The following SIK2 variants were observed in gnomAD, a reference collection of about 807,000 sequenced individuals.
SIK2 encodes salt inducible kinase 2, also known as serine/threonine-protein kinase SIK2.
Under a neutral mutation model 103.2 loss-of-function variants are expected in SIK2, and 29 were observed. The ratio of observed to expected loss-of-function variants is 0.28; its 90% CI spans 0.21 to 0.38. The LOEUF is 0.38. SIK2 is among the 10% of genes least tolerant of loss of function. The pLI, the probability that SIK2 is intolerant of heterozygous loss-of-function variation, is 1.00. For synonymous variants in SIK2, 412 were observed against 446.1 expected (o/e 0.92, Z 0.96); for missense variants, 879 against 1,171.0 (o/e 0.75, Z 3.64).
intron 4 of SIK2, among the ~76,000 whole-genome samples, chr11:111,699,914 C>T (rs977870264): frequency 1.3e-5 from 2 of 152,234 alleles, no homozygotes; most frequent in African/African-American, 4.8e-5. Flanking sequence ...TCTCTTAAAG[C>T]TCACTGTGCA....
intron 3 of SIK2, among the ~76,000 whole-genome samples, chr11:111,629,154 C>G (rs745855832): frequency 6.6e-5 from 10 of 152,160 alleles, no homozygotes; most frequent in Non-Finnish European, 1.5e-4. Context: ...AGGTTTTAAG[C>G]AAGAGGCATT....
At chr11:111,642,846 G>A (rs1214069255) in intron 3 of SIK2, among the ~76,000 whole-genome samples, 1 of 152,166 alleles carries the variant, frequency 6.6e-6, no homozygotes, top group Non-Finnish European at 1.5e-5. Flanking sequence ...AGTAACAAAA[G>A]ATATTCCTGT....
chr11:111,632,694 T>C (rs1942055129), intron 3 of SIK2, among the ~76,000 whole-genome samples: 1 of 152,164 alleles, frequency 6.6e-6, no homozygotes, highest in South Asian at 2.1e-4. Flanking sequence ...TATGCCGCCT[T>C]AGAGTTCTTT....
At chr11:111,704,908 C>T in intron 7 of SIK2, 79 bp from the exon 8 acceptor site, 4 of 1,417,804 alleles carry the variant, frequency 2.8e-6, no homozygotes, top group Admixed American at 2.8e-5. Flanking sequence ...AATTTCTTTC[C>T]TCTTTTTTTT....
chr11:111,638,492 T>C (rs1942139817), intron 3 of SIK2, among the ~76,000 whole-genome samples: 1 of 152,214 alleles, frequency 6.6e-6, no homozygotes, highest in Non-Finnish European at 1.5e-5. Context: ...CATTCTACTA[T>C]GTAAATTATA....
chr11:111,636,614 G>T (rs1942111970), intron 3 of SIK2, among the ~76,000 whole-genome samples: 1 of 152,138 alleles, frequency 6.6e-6, no homozygotes, highest in African/African-American at 2.4e-5. Context: ...GTAAAGATGT[G>T]TTCTTTTATC....
In SIK2 at chr11:111,712,212, C is replaced by T. The variant is rs760119648; in HGVS notation, c.1103C>T (p.Ala368Val). 2.5e-6 allele frequency: 4 copies of T among 1,614,052 alleles called. No homozygotes were observed. The South Asian group carries it at 4.4e-5, about 18-fold the overall frequency. ...STIAEQTVAK[A>V]QTVGLPVTMH... is the part of the protein sequence containing the mutation. ...TGTCTGTTCTTGCCATATTTACAGG[C>T]ACAGACTGTGGGGCTCCCAGTGACC... The change falls in exon 9 of 15, where the codon GCA (alanine) becomes GTA (valine). Residue 368 changes from alanine (A) to valine (V), a missense_variant and splice_region_variant. Physicochemically the swap from Ala to Val is moderately conservative, Grantham distance 64. Transcript: ENST00000304987.
intron 3 of SIK2, among the ~76,000 whole-genome samples, chr11:111,680,417 T>TA (rs1331521052): frequency 6.6e-6 from 1 of 152,096 alleles, no homozygotes; most frequent in African/African-American, 2.4e-5. Flanking sequence ...AGTTTTTTTT[T>TA]AAAAAAGATT....
intron 1 of SIK2, 66 bp from the exon 2 acceptor site, chr11:111,616,177 G>A: frequency 9.4e-7 from 1 of 1,058,762 alleles, no homozygotes; most frequent in East Asian, 2.5e-5. Context: ...TTTATTGACA[G>A]GATTCTTAAC....
chr11:111,660,575 A>C (rs1411671561), intron 3 of SIK2, among the ~76,000 whole-genome samples: 1 of 152,220 alleles, frequency 6.6e-6, no homozygotes, highest in Non-Finnish European at 1.5e-5. Flanking sequence ...CCTCTTTGAG[A>C]TCAGTCTTCT....
intron 1 of SIK2, among the ~76,000 whole-genome samples, chr11:111,615,159 GT>G (rs758402133): frequency 1.8e-4 from 26 of 147,488 alleles, no homozygotes; most frequent in Non-Finnish European, 3.5e-4. Flanking sequence ...ATAAATAAAA[GT>G]TTTCCTGAGG....
At chr11:111,637,202 T>G (rs1942119169) in intron 3 of SIK2, among the ~76,000 whole-genome samples, 1 of 152,082 alleles carries the variant, frequency 6.6e-6, no homozygotes, top group South Asian at 2.1e-4. Context: ...AAACTTTATC[T>G]TTTAACCTTT....
chr11:111,722,594 A>G lies in SIK2; in HGVS notation c.2056-71A>G. 1 of 1,406,550 alleles carries G rather than the reference A, an allele frequency of 7.1e-7. No individual in the cohort carries two copies. The allele number at this position is 1,406,550 out of a possible 1,614,324, so 87.1% of individuals were successfully genotyped here. On this transcript the variant is annotated intron_variant, in intron 13 of 14. Transcript: ENST00000304987. This position sits in a 1 kb window ranked among gnomAD's most constrained non-coding sequence, Gnocchi z 4.4. ...GCAGTTAGATTCATCCTGCAGGCAG[A>G]AGCACATCTGATGACTGCATCCTAG... is the stretch of plus-strand genomic sequence containing the variant.
Position 111,722,917 on chromosome 11 carries a change from A to G in SIK2, c.2147+161A>G, listed in dbSNP as rs1943846219. 1.3e-5 allele frequency among the ~76,000 whole-genome samples: 2 copies of G among 152,218 alleles called. No individual in the cohort carries two copies. The highest frequency in any genetic ancestry group is 2.9e-5 in the Non-Finnish European group (2 of 68,028). On this transcript the variant is annotated intron_variant, in intron 14 of 14. Coordinates refer to ENST00000304987, the MANE Select transcript of SIK2 (RefSeq NM_015191.3). This position sits in a 1 kb window ranked among gnomAD's most constrained non-coding sequence, Gnocchi z 4.4. ...AGCACGATTACTAAGAGGATATCTC[A>G]GTATCCATGGAGGATGGTCCTGTCA...
chr11:111,648,557 G>T (rs1259433722), intron 3 of SIK2, among the ~76,000 whole-genome samples: 1 of 151,762 alleles, frequency 6.6e-6, no homozygotes, highest in Non-Finnish European at 1.5e-5. Flanking sequence ...ATTAATTTTG[G>T]GGAAACACAA....
intron 6 of SIK2, among the ~76,000 whole-genome samples, chr11:111,702,364 C>T (rs1943232093): frequency 6.6e-6 from 1 of 152,142 alleles, no homozygotes; most frequent in Non-Finnish European, 1.5e-5. Context: ...GCGGGAGGAT[C>T]TCTTAAGGCC....
chr11:111,603,935 A>G (rs529367358), intron 1 of SIK2, among the ~76,000 whole-genome samples: 4 of 152,354 alleles, frequency 2.6e-5, no homozygotes, highest in South Asian at 2.1e-4. Flanking sequence ...TTGGAGTTGC[A>G]GTTGTACTTA....
intron 3 of SIK2, among the ~76,000 whole-genome samples, chr11:111,677,072 A>G (rs1276859231): frequency 6.6e-6 from 1 of 152,206 alleles, no homozygotes; most frequent in Non-Finnish European, 1.5e-5. Context: ...GAGCGATGAT[A>G]AAAATAGGTG....
At chr11:111,716,587 G>C (rs181475452) in intron 9 of SIK2, among the ~76,000 whole-genome samples, 120 of 149,880 alleles carry the variant, frequency 8.0e-4, no homozygotes, top group Non-Finnish European at 1.5e-3. Context: ...ACCAAAAAAA[G>C]AAAAAAGAAG....
Sources: allele counts gnomAD v4.1 joint callset (sites outside exome capture counted in the v4.1 genomes callset), GRCh38; gene constraint gnomAD v4.1.1; non-coding constraint Gnocchi (gnomAD v3.1); transcripts MANE v1.5; gene names NCBI Gene and HGNC (gene_info 2026-07-23, HGNC 2026-07-21).